Variants in OPCML observed in about 807,000 individuals in gnomAD.
The protein encoded by OPCML is opioid-binding protein/cell adhesion molecule.
In OPCML, 13 loss-of-function variants were observed where a neutral mutation model predicts 37.8. That is an observed-to-expected ratio of 0.34 (90% CI 0.22 to 0.55). The LOEUF is 0.55. Ranked by LOEUF, OPCML falls within the 20% of genes least tolerant of loss-of-function variation. The probability of loss-of-function intolerance (pLI) is 0.91; values close to 1 mark genes in which losing one functional copy is unlikely to be tolerated. For missense variants in OPCML, 341 were observed against 435.6 expected (o/e 0.78, Z 1.93); for synonymous variants, 176 against 168.8 (o/e 1.04, Z -0.33).
chr11:132,791,248 A>C (rs1298593042), intron 2 of OPCML, among the ~76,000 whole-genome samples: 1 of 152,140 alleles, frequency 6.6e-6, no homozygotes, highest in Non-Finnish European at 1.5e-5. Context: ...TGGCCACTTC[A>C]CCTGAGTCTG....
chr11:133,373,448 T>TATATATATATATATATATATGTAC (rs966091785), intron 1 of OPCML, among the ~76,000 whole-genome samples: 1 of 132,178 alleles, frequency 7.6e-6, no homozygotes, highest in Non-Finnish European at 1.6e-5. Context: ...TATATATATA[T>TATATATATATATATATATATGTAC]ACACACACAC....
intron 1 of OPCML, chr11:133,439,087 G>C (rs977256796): frequency 6.4e-6 from 1 of 157,208 alleles, no homozygotes; most frequent in African/African-American, 2.4e-5. Context: ...AACAAATTAT[G>C]GAACCTGAGA....
intron 2 of OPCML, among the ~76,000 whole-genome samples, chr11:132,680,599 C>T (rs1249708540): frequency 1.3e-5 from 2 of 152,186 alleles, no homozygotes; most frequent in African/African-American, 4.8e-5. Flanking sequence ...GGGGCGGCTG[C>T]GGCCACGCTA....
chr11:132,599,597 G>A (rs188744036), intron 3 of OPCML, among the ~76,000 whole-genome samples: 1 of 152,104 alleles, frequency 6.6e-6, no homozygotes, highest in African/African-American at 2.4e-5. Context: ...GGCTTTGGTG[G>A]GCTCCACTTG....
At chr11:132,801,145 G>T (rs1938625207) in intron 2 of OPCML, among the ~76,000 whole-genome samples, 2 of 152,028 alleles carry the variant, frequency 1.3e-5, no homozygotes, top group Admixed American at 6.5e-5. Flanking sequence ...CTGGGAATTT[G>T]CCCATTTAAC....
intron 3 of OPCML, among the ~76,000 whole-genome samples, chr11:132,600,747 C>A (rs1019684540): frequency 6.6e-6 from 1 of 151,734 alleles, no homozygotes; most frequent in African/African-American, 2.4e-5. Flanking sequence ...ATTTCTCAAC[C>A]CTTAAATGTA....
In OPCML at chr11:132,552,763, C is replaced by CTTTTTTTTTTTTT. The variant is rs562056846; in HGVS notation, c.380-23590_380-23578dup. On this transcript the variant is annotated intron_variant, in intron 3 of 7. Transcript: ENST00000524381. ...TAGTCAAACTAAATTAAACACTACT[C>CTTTTTTTTTTTTT]TTTTTTTTTTTTTTTTGAGACCGAG... is the stretch of plus-strand genomic sequence containing the variant. Among the ~76,000 whole-genome samples the CTTTTTTTTTTTTT allele has an allele frequency of 2.9e-3, 269 of 92,744 alleles. 75 individuals carry two copies. Among genetic ancestry groups the CTTTTTTTTTTTTT allele is most frequent in the African/African-American group, 0.013 (233 of 17,808 alleles). The allele number at this position is 92,744 out of a possible 152,430, so 60.8% of individuals were successfully genotyped here. A position where few individuals can be genotyped will look rare whatever the true frequency, so the allele number is the denominator to read the frequency against.
At chr11:133,096,699 T>C (rs1186067325) in intron 1 of OPCML, among the ~76,000 whole-genome samples, 1 of 152,058 alleles carries the variant, frequency 6.6e-6, no homozygotes, top group Non-Finnish European at 1.5e-5. Flanking sequence ...TATGCCATGG[T>C]AACACTATTT....
intron 3 of OPCML, among the ~76,000 whole-genome samples, chr11:132,629,916 A>G (rs1038768983): frequency 6.6e-6 from 1 of 152,254 alleles, no homozygotes; most frequent in African/African-American, 2.4e-5. Flanking sequence ...AGATGTAAAA[A>G]TTGTTAACCT....
At chr11:133,391,225 C>CT (rs1945168103) in intron 1 of OPCML, among the ~76,000 whole-genome samples, 1 of 152,186 alleles carries the variant, frequency 6.6e-6, no homozygotes, top group South Asian at 2.1e-4. Flanking sequence ...TAAACCATCC[C>CT]TCCTAGTGAG....
intron 2 of OPCML, among the ~76,000 whole-genome samples, chr11:132,831,652 A>T (rs4245111): frequency 0.99 from 150,429 of 151,998 alleles, 74,443 homozygotes; most frequent in East Asian, 1. Flanking sequence ...ACCACTCGAG[A>T]CATTTTCACT....
rs187242652 is a variant in OPCML, at chr11:132,881,205, A to G, written c.146+61721T>C. On this transcript the variant is annotated intron_variant, in intron 2 of 7. Transcript: ENST00000524381. ...GATGAGATCTCCAACTACAAAGAAA[A>G]TTTCCTAAAATGGGGAAAACACTGG... 3.6e-3 allele frequency among the ~76,000 whole-genome samples: 545 copies of G among 152,336 alleles called. 5 individuals are homozygous for G. Among genetic ancestry groups the G allele is most frequent in the Non-Finnish European group, 2.1e-3 (142 of 68,028 alleles).
Position 133,212,443 on chromosome 11 carries a change from T to C in OPCML, c.62-269433A>G, listed in dbSNP as rs1322693053. Among the ~76,000 whole-genome samples the C allele has an allele frequency of 6.6e-6, 1 of 152,190 alleles. No homozygotes were observed. Among genetic ancestry groups the C allele is most frequent in the African/African-American group, 2.4e-5 (1 of 41,450 alleles). ...CCTGCTTCCACTTCCTGGAAAGCTC[T>C]TTCCCCATGCCTGGTCAACCCCTCA... On this transcript the variant is annotated intron_variant, in intron 1 of 7. Transcript: ENST00000524381. This position sits in a 1 kb window ranked among gnomAD's most constrained non-coding sequence, Gnocchi z 4.9.
chr11:132,969,020 G>T (rs758621225), intron 1 of OPCML, among the ~76,000 whole-genome samples: 1 of 151,744 alleles, frequency 6.6e-6, no homozygotes, highest in Non-Finnish European at 1.5e-5. Context: ...ATTTCCATAG[G>T]TTTTTGGAAA....
intron 1 of OPCML, among the ~76,000 whole-genome samples, chr11:133,093,251 A>C: frequency 6.8e-6 from 1 of 147,070 alleles, no homozygotes. Flanking sequence ...GCGTCCCCCA[A>C]ATCCAATGTA....
intron 1 of OPCML, among the ~76,000 whole-genome samples, chr11:133,394,951 C>T (rs1033532244): frequency 4.6e-5 from 7 of 152,246 alleles, no homozygotes; most frequent in Admixed American, 2.0e-4. Flanking sequence ...AACTTCCAAA[C>T]TGTTCTCCAC....
intron 1 of OPCML, among the ~76,000 whole-genome samples, chr11:133,016,257 C>T (rs1032861024): frequency 6.6e-6 from 1 of 152,126 alleles, no homozygotes; most frequent in Non-Finnish European, 1.5e-5. Context: ...GGTCAAACAG[C>T]CTGGATTCCT....
At chr11:133,273,438 G>A (rs1409355440) in intron 1 of OPCML, among the ~76,000 whole-genome samples, 1 of 152,084 alleles carries the variant, frequency 6.6e-6, no homozygotes, top group Non-Finnish European at 1.5e-5. Flanking sequence ...CTGAGGAACT[G>A]ACCCCACAGC....
At chr11:133,049,364 G>A (rs186038572) in intron 1 of OPCML, among the ~76,000 whole-genome samples, 4 of 152,230 alleles carry the variant, frequency 2.6e-5, no homozygotes, top group South Asian at 2.1e-4. Context: ...CTCTTATCGC[G>A]GGCAGCCTGG....
Sources: gnomAD v4.1 joint callset for allele counts (sites outside exome capture counted in the v4.1 genomes callset) on GRCh38, gnomAD v4.1.1 for gene constraint, Gnocchi (gnomAD v3.1) non-coding constraint, MANE v1.5 for transcripts, NCBI Gene and HGNC (gene_info 2026-07-23, HGNC 2026-07-21) for gene names.